KIF21A: variants seen among roughly 807,000 people sequenced by gnomAD.
KIF21A encodes kinesin-like protein KIF21A.
KIF21A carries 114 observed loss-of-function variants against 202.9 expected under a neutral mutation model. The observed-to-expected ratio is 0.56, with a 90% CI of 0.48 to 0.66. The LOEUF (loss-of-function observed/expected upper bound fraction) is 0.66, where lower values mean the gene tolerates loss of function less well. Among genes scored for constraint, KIF21A ranks in the 30% least tolerant of loss-of-function variants. The probability of loss-of-function intolerance (pLI) is 0.00; values close to 1 mark genes in which losing one functional copy is unlikely to be tolerated. For synonymous variants in KIF21A, 667 were observed against 670.8 expected, an observed-to-expected ratio of 0.99 and a Z score of 0.09; for missense variants, 1,677 against 1,994.9, an observed-to-expected ratio of 0.84 and a Z score of 3.04.
In KIF21A at chr12:39,362,757, T is replaced by G. The variant is rs552351272; in HGVS notation, c.1019+341A>C. On this transcript the variant is annotated intron_variant, in intron 7 of 37. Transcript: ENST00000361418. ...AAAATTTTATTAGCTTTCTATTCTG[T>G]GCTAAGTACTTAAAACAGAAGCTAC... Among the ~76,000 whole-genome samples, 8 of 152,294 alleles carry G rather than the reference T, an allele frequency of 5.3e-5. No individual in the cohort carries two copies. The East Asian group carries it at 1.5e-3, about 29-fold the overall frequency.
In KIF21A at chr12:39,311,489, T is replaced by C. The variant is rs767162841; in HGVS notation, c.4024A>G (p.Ile1342Val). Residue 1342 changes from isoleucine (I) to valine (V), a missense_variant, in exon 32 of 38, where the codon ATA (isoleucine) becomes GTA (valine). Around this residue, in one of 3 missense-constraint regions of KIF21A, gnomAD observed 705 missense variants for 791.9 expected, o/e 0.89. Coordinates refer to ENST00000361418, the MANE Select transcript of KIF21A (RefSeq NM_001173464.2). Reference protein sequence around the residue: ...IRAFPLQCIHIAEGHTKAVLC... With the variant: ...IRAFPLQCIHVAEGHTKAVLC... ...ACAGCTTTTGTATGCCCTTCAGCTA[T>C]GTGAATACACTGAAGTGGAAAAGCT... is the stretch of plus-strand genomic sequence containing the variant. The C allele has an allele frequency of 3.1e-6, 5 of 1,612,806 alleles. No individual in the cohort carries two copies. In the Admixed American group the frequency reaches 5.0e-5, roughly 16 times the overall value.
chr12:39,358,465 CT>C, intron 7 of KIF21A, 92 bp from the exon 8 acceptor site: 2 of 1,186,560 alleles, frequency 1.7e-6, no homozygotes, highest in Non-Finnish European at 2.5e-6. Flanking sequence ...TGAATAGTAT[CT>C]TCTCTTCAAG....
intron 17 of KIF21A, among the ~76,000 whole-genome samples, chr12:39,333,842 A>T (rs1946714223): frequency 6.6e-6 from 1 of 152,094 alleles, no homozygotes; most frequent in African/African-American, 2.4e-5. Flanking sequence ...CAAAATAAAG[A>T]TGACTAATTA....
At chr12:39,381,896 T>A (rs992060448) in intron 1 of KIF21A, among the ~76,000 whole-genome samples, 1 of 152,192 alleles carries the variant, frequency 6.6e-6, no homozygotes, top group African/African-American at 2.4e-5. Flanking sequence ...GAGACATATT[T>A]CTGCTGGACT....
chr12:39,305,157 G>A (rs1943331700), intron 34 of KIF21A, among the ~76,000 whole-genome samples: 1 of 151,786 alleles, frequency 6.6e-6, no homozygotes, highest in South Asian at 2.1e-4. Context: ...CCTGAGGCCA[G>A]GAGTTTGAGA....
chr12:39,311,262 G>A (rs1334000674), intron 32 of KIF21A, among the ~76,000 whole-genome samples, 155 bp downstream of exon 32: 1 of 151,724 alleles, frequency 6.6e-6, no homozygotes, highest in Admixed American at 6.6e-5. Context: ...GCTCAACTAT[G>A]CAATAATTTT....
Position 39,441,660 on chromosome 12 carries a change from T to TAAAAAAAAAAAAA in KIF21A, c.44+1254_44+1266dup, listed in dbSNP as rs56245570. Among the ~76,000 whole-genome samples, 231 of 37,732 alleles carry TAAAAAAAAAAAAA rather than the reference T, an allele frequency of 6.1e-3. 34 individuals are homozygous for TAAAAAAAAAAAAA. The highest frequency in any genetic ancestry group is 9.5e-3 in the Admixed American group (30 of 3,164). 24.8% of individuals were successfully genotyped at this position (37,732 alleles called of 152,430 possible). A position where few individuals can be genotyped will look rare whatever the true frequency, so the allele number is the denominator to read the frequency against. ...ATAAAACTGTCACCTCCCTGGGTGGTAAAAAAAAAAAAAAAAAAAACACTT... is the reference window on the plus strand; with the variant it reads ...ATAAAACTGTCACCTCCCTGGGTGGTAAAAAAAAAAAAAAAAAAAAAAAAAAAAAAAAACACTT... On this transcript the variant is annotated intron_variant, in intron 1 of 37. Transcript: ENST00000361418.
chr12:39,371,932 C>CA lies in KIF21A; in HGVS notation c.45-1672dup, dbSNP rs1157665795. On this transcript the variant is annotated intron_variant, in intron 1 of 37. Transcript: ENST00000361418. ...CGACAGAGTAAGTGAGAATCCGTCT[C>CA]AAAAAAAAAAAAGAAAAGAGAAAAA... Among the ~76,000 whole-genome samples the CA allele has an allele frequency of 3.5e-3, 348 of 100,302 alleles. 2 individuals are homozygous for CA. The highest frequency in any genetic ancestry group is 0.014 in the East Asian group (47 of 3,450). The allele number at this position is 100,302 out of a possible 152,430, so 65.8% of individuals were successfully genotyped here.
At position 39,357,249 on chromosome 12, in the gene KIF21A, T is replaced by C; in HGVS notation, c.1404A>G (p.Ala468=). 6.2e-7 allele frequency: 1 copy of C among 1,614,018 alleles called. No homozygotes were observed. Residue 468 remains alanine, a splice_region_variant and synonymous_variant, in exon 9 of 38, where the codon GCA becomes GCG. Coordinates refer to ENST00000361418, the MANE Select transcript of KIF21A (RefSeq NM_001173464.2). ...SDQANHVLAR[A]GEGNEEISNM... The stretch of plus-strand genomic sequence containing the variant: ...ACTTATCCCACCCTACCCACATACC[T>C]GCTCTGGCAAGAACATGGTTGGCCT...
chr12:39,392,161 A>T (rs554924711), intron 1 of KIF21A, among the ~76,000 whole-genome samples: 10 of 152,346 alleles, frequency 6.6e-5, no homozygotes, highest in African/African-American at 1.4e-4. Flanking sequence ...GATTAAAAGG[A>T]TATTTCCAGC....
intron 28 of KIF21A, 43 bp downstream of exon 28, chr12:39,319,863 G>C (rs1945011707): frequency 4.6e-6 from 5 of 1,077,508 alleles, no homozygotes; most frequent in Non-Finnish European, 7.1e-6. Context: ...AGTGCAGCAG[G>C]CATTTAATAC....
chr12:39,309,030 T>G (rs1943752630), intron 33 of KIF21A, among the ~76,000 whole-genome samples: 1 of 152,150 alleles, frequency 6.6e-6, no homozygotes, highest in Non-Finnish European at 1.5e-5. Context: ...TCTACACTTT[T>G]AAAGACAAAT....
At chr12:39,305,140 C>A (rs537238237) in intron 34 of KIF21A, among the ~76,000 whole-genome samples, 6 of 151,476 alleles carry the variant, frequency 4.0e-5, no homozygotes, top group African/African-American at 1.5e-4. Context: ...CCGAGGTGGA[C>A]GTATCACCTG....
In KIF21A at chr12:39,369,870, A is replaced by G. The variant is rs779310142; in HGVS notation, c.309T>C (p.Asp103=). ...GKTYTMGTGF[D]VNIVEEELGI... ...CCAGTTCTTCCTCAACAATGTTAAC[A>G]TCAAATCCTGTTCCCATTGTGTATG... is the stretch of plus-strand genomic sequence containing the variant. The change falls in exon 3 of 38, where the codon GAT becomes GAC. Residue 103 remains aspartate, a synonymous_variant. Coordinates refer to ENST00000361418, the MANE Select transcript of KIF21A (RefSeq NM_001173464.2). The G allele has an allele frequency of 5.6e-6, 9 of 1,613,548 alleles. No homozygotes were observed. In the African/African-American group the frequency reaches 9.3e-5, roughly 17 times the overall value.
intron 7 of KIF21A, among the ~76,000 whole-genome samples, 186 bp downstream of exon 7, chr12:39,362,912 A>T (rs1314067384): frequency 6.6e-6 from 1 of 152,208 alleles, no homozygotes; most frequent in African/African-American, 2.4e-5. Context: ...ACCTCAAGGG[A>T]TGCTAGGATT....
rs1203425554 is a variant in KIF21A, at chr12:39,442,680, G to A, written c.44+247C>T. On this transcript the variant is annotated intron_variant, in intron 1 of 37. Coordinates refer to ENST00000361418, the MANE Select transcript of KIF21A (RefSeq NM_001173464.2). This position sits in a 1 kb window ranked among gnomAD's most constrained non-coding sequence, Gnocchi z 5.0. ...AGTCAAGACGCCCCCCAGGGACCCG[G>A]CGCCGCGCAGCCGCCAGCCACCTGC... 6.6e-6 allele frequency among the ~76,000 whole-genome samples: 1 copy of A among 152,094 alleles called. No individual in the cohort carries two copies. Among genetic ancestry groups the A allele is most frequent in the Non-Finnish European group, 1.5e-5 (1 of 68,008 alleles).
At chr12:39,320,932 CAA>C (rs59613512) in intron 27 of KIF21A, among the ~76,000 whole-genome samples, 5 of 16,138 alleles carry the variant, frequency 3.1e-4, no homozygotes, top group African/African-American at 8.1e-4. Flanking sequence ...AAGACTCTGC[CAA>C]AAAAAAAAAA....
chr12:39,298,352 G>A (rs1440260775), intron 37 of KIF21A, among the ~76,000 whole-genome samples: 1 of 152,202 alleles, frequency 6.6e-6, no homozygotes, highest in East Asian at 1.9e-4. Context: ...TTGACTGAAT[G>A]TTAAGTTGTA....
At chr12:39,309,315 G>A (rs1943779981) in intron 33 of KIF21A, among the ~76,000 whole-genome samples, 1 of 151,972 alleles carries the variant, frequency 6.6e-6, no homozygotes, top group African/African-American at 2.4e-5. Context: ...CCTTATATTT[G>A]GGAGGGAGAA....
Sources: allele counts gnomAD v4.1 joint callset (sites outside exome capture counted in the v4.1 genomes callset), GRCh38; gene constraint gnomAD v4.1.1; regional missense constraint gnomAD v4.1.1; non-coding constraint Gnocchi (gnomAD v3.1); transcripts MANE v1.5; gene names NCBI Gene and HGNC (gene_info 2026-07-23, HGNC 2026-07-21).